CLIP1: variants seen among roughly 807,000 people sequenced by gnomAD.
The protein encoded by CLIP1 is CAP-Gly domain-containing linker protein 1.
A neutral mutation model predicts 161.6 loss-of-function variants in CLIP1; 66 were observed. The ratio of observed to expected loss-of-function variants is 0.41; its 90% CI spans 0.33 to 0.50. The LOEUF (loss-of-function observed/expected upper bound fraction) is 0.50, where lower values mean the gene tolerates loss of function less well. CLIP1 is among the 20% of genes least tolerant of loss of function. CLIP1 has a pLI of 0.27. For synonymous variants in CLIP1, 598 were observed against 626.2 expected, an observed-to-expected ratio of 0.96 and a Z score of 0.67; for missense variants, 1,376 against 1,702.0, an observed-to-expected ratio of 0.81 and a Z score of 3.37.
intron 20 of CLIP1, 130 bp from the exon 21 acceptor site, chr12:122,288,671 G>C (rs1955960045): frequency 1.5e-6 from 1 of 683,792 alleles, no homozygotes; most frequent in South Asian, 1.8e-5. Flanking sequence ...GCAATGAAGA[G>C]GGACAAGTGG....
rs139072542 is a variant in CLIP1, at chr12:122,344,610, C to T, written c.1506+2765G>A. ...TAAATACCAATGTGATTTTACTTTC[C>T]GTGGCATTTCCCTATAAAGTACAGC... On this transcript the variant is annotated intron_variant, in intron 10 of 25. Transcript: ENST00000620786. 8.7e-4 allele frequency among the ~76,000 whole-genome samples: 133 copies of T among 152,226 alleles called. 2 individuals are homozygous for T. Among genetic ancestry groups the T allele is most frequent in the Admixed American group, 8.4e-3 (128 of 15,286 alleles).
chr12:122,323,592 C>G lies in CLIP1; in HGVS notation c.3250-4244G>C, dbSNP rs1951599792. ...AGCAGCTGTTTGACCTGGAGAGCGG[C>G]CTGGAGGCTGGCATTCAGCTTTTCC... is the stretch of plus-strand genomic sequence containing the variant. On this transcript the variant is annotated intron_variant, in intron 17 of 25. Coordinates refer to ENST00000620786, the MANE Select transcript of CLIP1 (RefSeq NM_001247997.2). This position sits in a 1 kb window ranked among gnomAD's most constrained non-coding sequence, Gnocchi z 4.1. The G allele has an allele frequency of 6.5e-6, 1 of 152,716 alleles. No homozygotes were observed. Among genetic ancestry groups the G allele is most frequent in the Admixed American group, 6.5e-5 (1 of 15,278 alleles). 9.5% of individuals were successfully genotyped at this position (152,716 alleles called of 1,614,324 possible). A position where few individuals can be genotyped will look rare whatever the true frequency, so the allele number is the denominator to read the frequency against.
At chr12:122,402,718 G>A (rs1956184421) in intron 1 of CLIP1, among the ~76,000 whole-genome samples, 1 of 152,144 alleles carries the variant, frequency 6.6e-6, no homozygotes. Context: ...GGAGGTTGCA[G>A]TGAGCTGAGA....
intron 11 of CLIP1, 135 bp downstream of exon 11, chr12:122,340,618 A>G: frequency 7.4e-6 from 5 of 677,448 alleles, no homozygotes; most frequent in Non-Finnish European, 1.2e-5. Flanking sequence ...ATACTACACT[A>G]TACTCAACTG....
At chr12:122,370,215 G>A (rs965098820) in intron 3 of CLIP1, among the ~76,000 whole-genome samples, 4 of 150,612 alleles carry the variant, frequency 2.7e-5, no homozygotes, top group Non-Finnish European at 5.9e-5. Context: ...AGGGGCCAGT[G>A]TAGCTGAAGC....
intron 20 of CLIP1, among the ~76,000 whole-genome samples, chr12:122,303,025 C>G (rs1328129741): frequency 6.6e-6 from 1 of 152,236 alleles, no homozygotes; most frequent in Middle Eastern, 3.2e-3. Flanking sequence ...GCCACTGCAT[C>G]TGGCCCTTTC....
intron 20 of CLIP1, among the ~76,000 whole-genome samples, chr12:122,290,680 T>C (rs915378482): frequency 1.3e-5 from 2 of 152,030 alleles, no homozygotes; most frequent in South Asian, 4.1e-4. Flanking sequence ...AAAAACACAA[T>C]ACGCAAAGAT....
Position 122,365,677 on chromosome 12 carries a change from T to TTA in CLIP1, c.658-1571_658-1570insTA, listed in dbSNP as rs1555274041. On this transcript the variant is annotated intron_variant, in intron 3 of 25. Transcript: ENST00000620786. The stretch of plus-strand genomic sequence containing the variant: ...TAAAATAAAGGACCTCTGGGCTATT[T>TTA]AAAAAAAAAAAAAAAGAAAGAACTG... 17 of 582,734 alleles carry TTA rather than the reference T, an allele frequency of 2.9e-5. No homozygotes were observed. The African/African-American group carries it at 3.1e-4, about 11-fold the overall frequency. The allele number at this position is 582,734 out of a possible 1,614,324, so 36.1% of individuals were successfully genotyped here.
chr12:122,337,516 T>C (rs1406800866), intron 11 of CLIP1, among the ~76,000 whole-genome samples: 1 of 151,014 alleles, frequency 6.6e-6, no homozygotes, highest in Non-Finnish European at 1.5e-5. Context: ...CTCAAACTCC[T>C]AGACCCAAGC....
intron 1 of CLIP1, among the ~76,000 whole-genome samples, chr12:122,411,842 C>G (rs926853171): frequency 2.0e-5 from 3 of 151,886 alleles, no homozygotes; most frequent in East Asian, 1.9e-4. Flanking sequence ...TTAAAACTTA[C>G]TTTTCCAAAT....
chr12:122,306,379 C>T (rs573908114), intron 20 of CLIP1, among the ~76,000 whole-genome samples: 2 of 152,166 alleles, frequency 1.3e-5, no homozygotes, highest in Non-Finnish European at 2.9e-5. Context: ...AAAGAGCAGT[C>T]ACAAAGTCCT....
intron 20 of CLIP1, among the ~76,000 whole-genome samples, chr12:122,302,183 CT>C (rs1950706592): frequency 6.6e-6 from 1 of 152,222 alleles, no homozygotes; most frequent in South Asian, 2.1e-4. Context: ...TCACCGCAAC[CT>C]CTGCCTCCTG....
At chr12:122,353,828 A>C (rs1953177956) in intron 7 of CLIP1, among the ~76,000 whole-genome samples, 1 of 151,466 alleles carries the variant, frequency 6.6e-6, no homozygotes, top group Admixed American at 6.6e-5. Context: ...ACGGGGTTTC[A>C]CCATGTTGGT....
chr12:122,289,548 C>A (rs1046617193), intron 20 of CLIP1, among the ~76,000 whole-genome samples: 1 of 152,078 alleles, frequency 6.6e-6, no homozygotes. Flanking sequence ...TCTCTGTGGG[C>A]CTCAATGTAC....
intron 1 of CLIP1, among the ~76,000 whole-genome samples, chr12:122,409,781 C>G (rs577460367): frequency 1.2e-4 from 19 of 152,282 alleles, no homozygotes; most frequent in African/African-American, 4.6e-4. Context: ...ATCTACCCAC[C>G]TTGGCCTCCC....
chr12:122,375,691 T>A (rs1283672830), intron 3 of CLIP1, among the ~76,000 whole-genome samples: 1 of 151,920 alleles, frequency 6.6e-6, no homozygotes, highest in Non-Finnish European at 1.5e-5. Flanking sequence ...CAGAATCTTA[T>A]ACACACCCAT....
At chr12:122,278,649 CTTGA>C (rs1204758550) in intron 23 of CLIP1, 139 bp downstream of exon 23, 3 of 871,312 alleles carry the variant, frequency 3.4e-6, no homozygotes, top group East Asian at 2.6e-5. Context: ...GGGATTAGCC[CTTGA>C]TTGATTAAGT....
chr12:122,332,743 C>A (rs1952036375), intron 15 of CLIP1, among the ~76,000 whole-genome samples: 1 of 152,146 alleles, frequency 6.6e-6, no homozygotes, highest in Non-Finnish European at 1.5e-5. Context: ...CTTTACAAGT[C>A]ACCAAAAGGT....
chr12:122,302,308 G>T (rs2136432065), intron 20 of CLIP1, among the ~76,000 whole-genome samples: 1 of 152,154 alleles, frequency 6.6e-6, no homozygotes, highest in South Asian at 2.1e-4. Context: ...CTCCATGTTG[G>T]TGAGGCTGGT....
Sources: gnomAD v4.1 joint callset for allele counts (sites outside exome capture counted in the v4.1 genomes callset) on GRCh38, gnomAD v4.1.1 for gene constraint, Gnocchi (gnomAD v3.1) non-coding constraint, MANE v1.5 for transcripts, NCBI Gene and HGNC (gene_info 2026-07-23, HGNC 2026-07-21) for gene names.